The following CCDC138 variants were observed in gnomAD, a reference collection of about 807,000 sequenced individuals.
CCDC138 encodes coiled-coil domain-containing protein 138.
In CCDC138, 66 loss-of-function variants were observed where a neutral mutation model predicts 82.3. The ratio of observed to expected loss-of-function variants is 0.80; its 90% CI spans 0.66 to 0.98. The LOEUF is 0.98. Among genes scored for constraint, CCDC138 ranks in the 50% least tolerant of loss-of-function variants. The pLI is 0.00. For synonymous variants in CCDC138, 297 were observed against 265.4 expected, an observed-to-expected ratio of 1.12 and a Z score of -1.16; for missense variants, 816 against 758.9, an observed-to-expected ratio of 1.08 and a Z score of -0.88.
intron 4 of CCDC138, 95 bp downstream of exon 4, chr2:108,791,897 A>C: frequency 8.0e-7 from 1 of 1,253,794 alleles, no homozygotes; most frequent in Non-Finnish European, 1.1e-6. Flanking sequence ...GGCCCCCAAG[A>C]GTTTGCATAT....
chr2:108,811,508 G>T (rs1461719673), intron 7 of CCDC138, among the ~76,000 whole-genome samples: 1 of 151,972 alleles, frequency 6.6e-6, no homozygotes, highest in Non-Finnish European at 1.5e-5. Context: ...CTCCCAAAGT[G>T]CTGGGATTAC....
Position 108,789,702 on chromosome 2 carries a change from G to T in CCDC138, c.266+736G>T, listed in dbSNP as rs562229215. Among the ~76,000 whole-genome samples the T allele has an allele frequency of 2.6e-5, 4 of 152,310 alleles. No homozygotes were observed. In the South Asian group the frequency reaches 6.2e-4, roughly 24 times the overall value. ...TTGTATGCATTGTATTTAGGTGATTGAGAGAGATTGAAGAAGGTGGTCTGG... is the reference window on the plus strand; with the variant it reads ...TTGTATGCATTGTATTTAGGTGATTTAGAGAGATTGAAGAAGGTGGTCTGG... On this transcript the variant is annotated intron_variant, in intron 3 of 14. Coordinates refer to ENST00000295124, the MANE Select transcript of CCDC138 (RefSeq NM_144978.3).
rs138355088 is a variant in CCDC138 at position 108,808,778 on chromosome 2, A to C, written c.855+3770A>C. Among the ~76,000 whole-genome samples the C allele has an allele frequency of 4.6e-5, 7 of 152,046 alleles. No homozygotes were observed. The East Asian group carries it at 1.4e-3, about 29-fold the overall frequency. On this transcript the variant is annotated intron_variant, in intron 7 of 14. Transcript: ENST00000295124. ...CTAGTTGGATGAATAGTTTGCATAT[A>C]TTTTCTCCTATTCTGCAGGTTGTAT...
At chr2:108,881,183 TCA>T (rs370251108), downstream of CCDC138, among the ~76,000 whole-genome samples, 20 of 152,352 alleles carry the variant, frequency 1.3e-4, no homozygotes, top group African/African-American at 4.8e-4. Context: ...TGGTCTTACC[TCA>T]GTCTTGTGGA....
rs148667954 is a variant in CCDC138 at position 108,794,662 on chromosome 2, C to T, written c.517C>T (p.Leu173Phe). 369 of 1,614,088 alleles carry T rather than the reference C, an allele frequency of 2.3e-4. No homozygotes were observed. Among genetic ancestry groups the T allele is most frequent in the Non-Finnish European group, 3.0e-4 (349 of 1,179,996 alleles). ...TAAAGCATCAGACAAGCGGAGTTTA[C>T]TTCCACATCAGATCAGTCAGATATA... ...KSKASDKRSLLPHQISQIYDE... is the reference protein window; with the variant it reads ...KSKASDKRSLFPHQISQIYDE... Residue 173 changes from leucine (L) to phenylalanine (F), a missense_variant, in exon 5 of 15, where the codon CTT becomes TTT. By Grantham distance (22) the Leu-to-Phe change is conservative. Transcript: ENST00000295124.
chr2:108,797,628 A>G (rs1681122916), intron 5 of CCDC138, among the ~76,000 whole-genome samples: 1 of 152,128 alleles, frequency 6.6e-6, no homozygotes, highest in African/African-American at 2.4e-5. Context: ...TCTTCACAGG[A>G]TGGCTTAAGG....
intron 13 of CCDC138, among the ~76,000 whole-genome samples, chr2:108,862,147 G>T (rs1170013263): frequency 3.4e-5 from 5 of 148,998 alleles, no homozygotes; most frequent in African/African-American, 1.2e-4. Context: ...TTCACATGCA[G>T]ATGAGAAGAA....
At chr2:108,848,954 C>T (rs1006040711) in intron 12 of CCDC138, among the ~76,000 whole-genome samples, 7 of 152,068 alleles carry the variant, frequency 4.6e-5, no homozygotes, top group African/African-American at 1.7e-4. Context: ...GTCTTTACTG[C>T]AGTTATTATA....
downstream of CCDC138, chr2:108,878,355 A>G (rs1413869209): frequency 1.9e-5 from 4 of 208,006 alleles, no homozygotes; most frequent in Non-Finnish European, 4.1e-5. Context: ...AGGCCAAGAA[A>G]CAAAAGCAAA....
chr2:108,827,659 AC>A (rs1686854949), intron 10 of CCDC138, among the ~76,000 whole-genome samples: 1 of 152,094 alleles, frequency 6.6e-6, no homozygotes, highest in African/African-American at 2.4e-5. Context: ...TACTAAAAAT[AC>A]AAAAAATTAG....
chr2:108,824,245 T>C (rs1451139540), intron 10 of CCDC138, among the ~76,000 whole-genome samples: 1 of 152,204 alleles, frequency 6.6e-6, no homozygotes, highest in African/African-American at 2.4e-5. Flanking sequence ...TTTTTTTAAC[T>C]TTTTGACTCT....
chr2:108,848,662 A>G (rs1231233840), intron 12 of CCDC138, among the ~76,000 whole-genome samples: 1 of 152,232 alleles, frequency 6.6e-6, no homozygotes, highest in Non-Finnish European at 1.5e-5. Flanking sequence ...TTATGTGGAA[A>G]AATTTGCAAC....
chr2:108,832,657 A>G (rs1352797304), intron 10 of CCDC138, among the ~76,000 whole-genome samples: 7 of 152,220 alleles, frequency 4.6e-5, no homozygotes, highest in East Asian at 3.8e-4. Flanking sequence ...AACCACTGGT[A>G]TAGGTAAATT....
At chr2:108,876,699 C>G (rs1412073697), downstream of CCDC138, 1 of 151,898 alleles carries the variant, frequency 6.6e-6, no homozygotes, top group Non-Finnish European at 1.5e-5. Context: ...ATACTGTATC[C>G]TAGATTAACA....
chr2:108,852,966 A>G (rs1691771141), intron 12 of CCDC138, among the ~76,000 whole-genome samples: 1 of 152,236 alleles, frequency 6.6e-6, no homozygotes, highest in Non-Finnish European at 1.5e-5. Context: ...GGATATAGGC[A>G]CAATTTTGTT....
At chr2:108,791,484 G>T (rs1679896238) in intron 3 of CCDC138, 191 bp from the exon 4 acceptor site, 1 of 619,716 alleles carries the variant, frequency 1.6e-6, no homozygotes. Context: ...AAAGATGCTT[G>T]TAGTGGGTTA....
At chr2:108,881,955 G>T (rs1282697525) in intron 1 of CCDC138, among the ~76,000 whole-genome samples, 3 of 152,156 alleles carry the variant, frequency 2.0e-5, no homozygotes, top group East Asian at 1.9e-4. Flanking sequence ...ACCAGCCTGG[G>T]CAACATAGCA....
At chr2:108,794,108 G>A (rs994123240) in intron 4 of CCDC138, among the ~76,000 whole-genome samples, 6 of 152,044 alleles carry the variant, frequency 3.9e-5, no homozygotes, top group African/African-American at 1.4e-4. Context: ...AAATATAAAA[G>A]GCAAAACAAG....
At chr2:108,865,398 G>GA (rs1438685511) in intron 13 of CCDC138, among the ~76,000 whole-genome samples, 4 of 152,248 alleles carry the variant, frequency 2.6e-5, no homozygotes, top group Admixed American at 2.0e-4. Context: ...ATTTCATTAG[G>GA]ATCAGTTTCT....
Sources: gnomAD v4.1 joint callset for allele counts (sites outside exome capture counted in the v4.1 genomes callset) on GRCh38, gnomAD v4.1.1 for gene constraint, MANE v1.5 for transcripts, NCBI Gene and HGNC (gene_info 2026-07-23, HGNC 2026-07-21) for gene names.